PKHD1: variants seen among roughly 807,000 people sequenced by gnomAD.
PKHD1 encodes fibrocystin.
A neutral mutation model predicts 412.0 loss-of-function variants in PKHD1; 291 were observed. That is an observed-to-expected ratio of 0.71 (90% CI 0.64 to 0.78). PKHD1 has a LOEUF of 0.78. PKHD1 is among the 30% of genes least tolerant of loss of function. The probability of loss-of-function intolerance (pLI) is 0.00; values close to 1 mark genes in which losing one functional copy is unlikely to be tolerated. For synonymous variants in PKHD1, 1,777 were observed against 1,821.5 expected (o/e 0.98, Z 0.62); for missense variants, 4,825 against 4,950.7 (o/e 0.97, Z 0.76).
At chr6:51,637,584 C>A (rs972863348) in intron 64 of PKHD1, among the ~76,000 whole-genome samples, 5 of 149,784 alleles carry the variant, frequency 3.3e-5, no homozygotes, top group African/African-American at 1.2e-4. Context: ...ATTATCTGAT[C>A]TCAGAAGATA....
At chr6:52,034,133 G>C (rs189230410) in intron 28 of PKHD1, among the ~76,000 whole-genome samples, 1 of 133,868 alleles carries the variant, frequency 7.5e-6, no homozygotes, top group Non-Finnish European at 1.6e-5. Flanking sequence ...TCAAACAAAC[G>C]AACAAACAAA....
chr6:51,710,749 T>C (rs1290085723), intron 60 of PKHD1, among the ~76,000 whole-genome samples: 1 of 152,222 alleles, frequency 6.6e-6, no homozygotes, highest in Admixed American at 6.5e-5. Context: ...AGTAATCTTA[T>C]GTAATGTTTT....
chr6:52,027,980 A>C, intron 30 of PKHD1, 84 bp from the exon 31 acceptor site: 1 of 1,226,550 alleles, frequency 8.2e-7, no homozygotes, highest in South Asian at 1.2e-5. Flanking sequence ...ATGTATTTTG[A>C]GGAGAAGAGC....
At chr6:51,648,628 A>C (rs1260238776) in intron 62 of PKHD1, among the ~76,000 whole-genome samples, 2 of 152,240 alleles carry the variant, frequency 1.3e-5, no homozygotes, top group African/African-American at 4.8e-5. Context: ...CAGGACACAA[A>C]GACTGAAATT....
At chr6:51,756,019 T>C (rs1041813753) in intron 55 of PKHD1, among the ~76,000 whole-genome samples, 3 of 152,162 alleles carry the variant, frequency 2.0e-5, no homozygotes, top group African/African-American at 7.2e-5. Flanking sequence ...GTTTAATATA[T>C]AGTATTAAGC....
At chr6:52,016,778 C>T (rs1322014478) in intron 34 of PKHD1, among the ~76,000 whole-genome samples, 1 of 152,112 alleles carries the variant, frequency 6.6e-6, no homozygotes, top group Non-Finnish European at 1.5e-5. Flanking sequence ...AGGAAAGGAA[C>T]TCCTTGCTGA....
At chr6:51,664,328 A>T (rs1773355323) in intron 60 of PKHD1, among the ~76,000 whole-genome samples, 1 of 152,150 alleles carries the variant, frequency 6.6e-6, no homozygotes, top group African/African-American at 2.4e-5. Flanking sequence ...GAGGGAGAGA[A>T]GGAGACAGAG....
intron 14 of PKHD1, among the ~76,000 whole-genome samples, chr6:52,060,815 C>G (rs1808560028): frequency 6.6e-6 from 1 of 151,960 alleles, no homozygotes; most frequent in Non-Finnish European, 1.5e-5. Context: ...CTAAAAATAG[C>G]TTCAAACATA....
At position 52,056,612 on chromosome 6, in the gene PKHD1, G is replaced by C. The variant is rs1053558304; in HGVS notation, c.1693+86C>G. 12 of 1,036,042 alleles carry C rather than the reference G, an allele frequency of 1.2e-5. No homozygotes were observed. The Admixed American group carries it at 1.9e-4, about 16-fold the overall frequency. 64.2% of individuals were successfully genotyped at this position (1,036,042 alleles called of 1,614,324 possible). A position where few individuals can be genotyped will look rare whatever the true frequency, so the allele number is the denominator to read the frequency against. ...TTTTTTTTACTCTGTTATCACCTTG[G>C]AGAGGAAATGGGGATTGTTCTCATT... On this transcript the variant is annotated intron_variant, in intron 18 of 66. Transcript: ENST00000371117.
At chr6:51,649,686 A>C (rs1770632977) in intron 61 of PKHD1, among the ~76,000 whole-genome samples, 2 of 152,136 alleles carry the variant, frequency 1.3e-5, no homozygotes, top group African/African-American at 4.8e-5. Context: ...TAATTCTGAG[A>C]TGACAAGATA....
chr6:52,036,913 G>A (rs1223683817), intron 27 of PKHD1, among the ~76,000 whole-genome samples: 1 of 152,070 alleles, frequency 6.6e-6, no homozygotes, highest in East Asian at 1.9e-4. Flanking sequence ...CATATAAACA[G>A]AATTTGTACT....
intron 37 of PKHD1, among the ~76,000 whole-genome samples, chr6:51,917,503 G>A (rs9382049): frequency 0.37 from 56,251 of 151,858 alleles, 11,333 homozygotes; most frequent in East Asian, 0.75. Flanking sequence ...TGTGCAAGGT[G>A]CAGTGACACT....
At chr6:51,807,669 T>C (rs138064065) in intron 52 of PKHD1, among the ~76,000 whole-genome samples, 5 of 151,962 alleles carry the variant, frequency 3.3e-5, no homozygotes, top group South Asian at 4.2e-4. Flanking sequence ...AAATAGTTAA[T>C]GAAATTAATG....
chr6:51,761,836 GA>G (rs67102160), intron 55 of PKHD1, among the ~76,000 whole-genome samples: 48,529 of 151,762 alleles, frequency 0.32, 9,636 homozygotes, highest in East Asian at 0.7. Flanking sequence ...TAAGAAATGA[GA>G]AAAAAATAAG....
chr6:51,646,711 A>G (rs1409742297), intron 63 of PKHD1, among the ~76,000 whole-genome samples: 1 of 152,188 alleles, frequency 6.6e-6, no homozygotes, highest in Non-Finnish European at 1.5e-5. Flanking sequence ...ATCAAAACCT[A>G]TAAGTTGTCC....
intron 64 of PKHD1, among the ~76,000 whole-genome samples, chr6:51,636,858 C>A (rs567932653): frequency 6.6e-6 from 1 of 152,292 alleles, no homozygotes; most frequent in Non-Finnish European, 1.5e-5. Context: ...TCCATCTATT[C>A]TCTCCAAATT....
chr6:51,683,370 C>T (rs1776964191), intron 60 of PKHD1, among the ~76,000 whole-genome samples: 1 of 151,972 alleles, frequency 6.6e-6, no homozygotes, highest in African/African-American at 2.4e-5. Context: ...ATACCAAAGG[C>T]TTTATTCAAA....
At chr6:51,665,865 A>G (rs1393076685) in intron 60 of PKHD1, among the ~76,000 whole-genome samples, 1 of 152,100 alleles carries the variant, frequency 6.6e-6, no homozygotes, top group Non-Finnish European at 1.5e-5. Context: ...CTTAAATAAG[A>G]TGGGATTGGA....
chr6:51,925,711 C>T (rs1164996870), intron 37 of PKHD1, among the ~76,000 whole-genome samples: 1 of 152,108 alleles, frequency 6.6e-6, no homozygotes, highest in African/African-American at 2.4e-5. Context: ...GAACTTACAC[C>T]ATTGGTCTTC....
Sources: allele counts gnomAD v4.1 joint callset (sites outside exome capture counted in the v4.1 genomes callset), GRCh38; gene constraint gnomAD v4.1.1; transcripts MANE v1.5; gene names NCBI Gene and HGNC (gene_info 2026-07-23, HGNC 2026-07-21).